TTYH3: variants seen among roughly 807,000 people sequenced by gnomAD.
TTYH3 encodes tweety family member 3, also known as protein tweety homolog 3.
TTYH3 carries 23 observed loss-of-function variants against 68.2 expected under a neutral mutation model. That is an observed-to-expected ratio of 0.34 (90% CI 0.24 to 0.48). The LOEUF is 0.48. TTYH3 is among the 20% of genes least tolerant of loss of function. The pLI is 0.99. For missense variants in TTYH3, 768 were observed against 727.7 expected, an observed-to-expected ratio of 1.06 and a Z score of -0.64; for synonymous variants, 360 against 332.8, an observed-to-expected ratio of 1.08 and a Z score of -0.89.
rs1304073494 is a variant in TTYH3 at position 2,645,806 on chromosome 7, C to T, written c.124-1047C>T. On this transcript the variant is annotated intron_variant, in intron 1 of 13. Transcript: ENST00000258796. The surrounding 1 kb of genome is among the most constrained non-coding windows in gnomAD (Gnocchi z 4.8). The stretch of plus-strand genomic sequence containing the variant: ...CATGGTCAGCAAGAGGGGGTTCAGT[C>T]CCCCACAGGCTCCCAATTTCCCTAC... 3 of 470,822 alleles carry T rather than the reference C, an allele frequency of 6.4e-6. No individual in the cohort carries two copies. Among genetic ancestry groups the T allele is most frequent in the African/African-American group, 2.0e-5 (1 of 50,058 alleles). The allele number at this position is 470,822 out of a possible 1,614,324, so 29.2% of individuals were successfully genotyped here.
intron 1 of TTYH3, among the ~76,000 whole-genome samples, chr7:2,635,762 C>T (rs1293497254): frequency 6.6e-6 from 1 of 152,214 alleles, no homozygotes; most frequent in Admixed American, 6.5e-5. Context: ...GGCCCTGCCT[C>T]AGTTTGCCTA....
At chr7:2,638,475 C>G (rs1785739887) in intron 1 of TTYH3, among the ~76,000 whole-genome samples, 1 of 152,156 alleles carries the variant, frequency 6.6e-6, no homozygotes, top group African/African-American at 2.4e-5. Flanking sequence ...CCAGGGCTGC[C>G]TCTCTGGCCT....
Position 2,658,337 on chromosome 7 carries a change from G to A in TTYH3, c.1302G>A (p.Ala434=), listed in dbSNP as rs1352993019. 5 of 1,605,316 alleles carry A rather than the reference G, an allele frequency of 3.1e-6. No individual in the cohort carries two copies. The highest frequency in any genetic ancestry group is 1.7e-5 in the Admixed American group (1 of 59,178). ...EEEAAPGPRQ[A]HDSLYRVHMP... ...AGGCCGCTCCAGGGCCGCGGCAGGC[G>A]CACGACAGCCTCTACCGCGTCCACA... Residue 434 remains alanine (A), a synonymous_variant, in exon 12 of 14, where the codon GCG becomes GCA. Coordinates refer to ENST00000258796, the MANE Select transcript of TTYH3 (RefSeq NM_025250.3).
chr7:2,635,177 C>T (rs1346432152), intron 1 of TTYH3, among the ~76,000 whole-genome samples: 2 of 152,174 alleles, frequency 1.3e-5, no homozygotes, highest in Non-Finnish European at 2.9e-5. Flanking sequence ...CAGGGCTGGG[C>T]CTGAGGCCTC....
At chr7:2,653,965 A>C (rs970641009) in intron 9 of TTYH3, among the ~76,000 whole-genome samples, 2 of 152,228 alleles carry the variant, frequency 1.3e-5, no homozygotes, top group Non-Finnish European at 1.5e-5. Context: ...CCCTGCCCCC[A>C]CACACACCGC....
chr7:2,637,507 G>A (rs2114972881), intron 1 of TTYH3, among the ~76,000 whole-genome samples: 1 of 152,310 alleles, frequency 6.6e-6, no homozygotes, highest in Non-Finnish European at 1.5e-5. Flanking sequence ...GTCCGTCCCA[G>A]TGGATACAGC....
chr7:2,634,455 CCCCTCACCCA>C, intron 1 of TTYH3, among the ~76,000 whole-genome samples: 1 of 152,100 alleles, frequency 6.6e-6, no homozygotes, highest in Admixed American at 6.5e-5. Context: ...GGGGGGTGGA[CCCCTCACCCA>C]TCCTGACTGA....
intron 1 of TTYH3, among the ~76,000 whole-genome samples, chr7:2,639,678 C>T (rs761149787): frequency 6.6e-6 from 1 of 152,228 alleles, no homozygotes; most frequent in Non-Finnish European, 1.5e-5. Context: ...TGACTCTGTC[C>T]CCACTGCAGT....
intron 13 of TTYH3, chr7:2,660,097 C>T: frequency 3.2e-6 from 4 of 1,263,960 alleles, no homozygotes; most frequent in South Asian, 1.3e-5. Flanking sequence ...CTCCCGCCTC[C>T]ACCCTGCACT....
At chr7:2,642,454 A>G (rs1379621288) in intron 1 of TTYH3, among the ~76,000 whole-genome samples, 5 of 150,096 alleles carry the variant, frequency 3.3e-5, no homozygotes, top group Admixed American at 6.7e-5. Flanking sequence ...AGGTAGGAGA[A>G]TCACTTGAAC....
At chr7:2,641,286 G>C (rs949939957) in intron 1 of TTYH3, among the ~76,000 whole-genome samples, 1 of 152,134 alleles carries the variant, frequency 6.6e-6, no homozygotes, top group Non-Finnish European at 1.5e-5. Flanking sequence ...GTGGGGTTTT[G>C]GGGGCTGCAT....
At chr7:2,654,496 T>A (rs578243343) in intron 9 of TTYH3, among the ~76,000 whole-genome samples, 3 of 152,090 alleles carry the variant, frequency 2.0e-5, no homozygotes, top group African/African-American at 4.8e-5. Context: ...CACACACAAT[T>A]GCTTTGATTT....
chr7:2,648,182 C>A, intron 5 of TTYH3, 128 bp downstream of exon 5: 3 of 835,930 alleles, frequency 3.6e-6, no homozygotes, highest in Non-Finnish European at 5.5e-6. Flanking sequence ...CTGAGCGGGA[C>A]CCCCCTGCAC....
chr7:2,637,999 T>A (rs1785725278), intron 1 of TTYH3, among the ~76,000 whole-genome samples: 1 of 152,222 alleles, frequency 6.6e-6, no homozygotes, highest in Admixed American at 6.5e-5. Context: ...CTAGCCGTTC[T>A]GCCCCCCTCG....
chr7:2,633,200 G>C (rs986646549), intron 1 of TTYH3, among the ~76,000 whole-genome samples: 2 of 152,166 alleles, frequency 1.3e-5, no homozygotes, highest in Non-Finnish European at 2.9e-5. Flanking sequence ...CGTGACCAGG[G>C]TCCCTGGTCA....
At chr7:2,647,937 G>A (rs376196621) in intron 4 of TTYH3, 22 bp from the exon 5 acceptor site, 52 of 1,603,464 alleles carry the variant, frequency 3.2e-5, no homozygotes, top group African/African-American at 8.0e-5. Flanking sequence ...GTGCCCTGGC[G>A]CACTCCCAGG....
chr7:2,644,898 C>T (rs1367485816), intron 1 of TTYH3, among the ~76,000 whole-genome samples: 1 of 152,238 alleles, frequency 6.6e-6, no homozygotes, highest in Non-Finnish European at 1.5e-5. Flanking sequence ...GGAGATCCAG[C>T]AGCAATCCCA....
intron 1 of TTYH3, among the ~76,000 whole-genome samples, chr7:2,635,446 A>G (rs1785632157): frequency 6.6e-6 from 1 of 152,162 alleles, no homozygotes; most frequent in Non-Finnish European, 1.5e-5. Flanking sequence ...TCAGGCAGGG[A>G]TCAAGTTCAT....
intron 1 of TTYH3, among the ~76,000 whole-genome samples, chr7:2,646,517 C>T (rs1042392595): frequency 6.6e-6 from 1 of 152,204 alleles, no homozygotes; most frequent in African/African-American, 2.4e-5. Context: ...CTCTGGGGAC[C>T]CGGTGGGGAG....
Sources: gnomAD v4.1 joint callset for allele counts (sites outside exome capture counted in the v4.1 genomes callset) on GRCh38, gnomAD v4.1.1 for gene constraint, Gnocchi (gnomAD v3.1) non-coding constraint, MANE v1.5 for transcripts, NCBI Gene and HGNC (gene_info 2026-07-23, HGNC 2026-07-21) for gene names.